DKK3: variants seen among roughly 807,000 people sequenced by gnomAD.
DKK3 encodes dickkopf Wnt signaling pathway inhibitor 3.
A neutral mutation model predicts 33.2 loss-of-function variants in DKK3; 22 were observed. The ratio of observed to expected loss-of-function variants is 0.66; its 90% confidence interval spans 0.47 to 0.95. The LOEUF is 0.95. Ranked by LOEUF, DKK3 falls within the 40% of genes least tolerant of loss-of-function variation. The probability of loss-of-function intolerance (pLI) is 0.00; values close to 1 mark genes in which losing one functional copy is unlikely to be tolerated. For missense variants in DKK3, 398 were observed against 458.4 expected (o/e 0.87, Z 1.20); for synonymous variants, 194 against 188.8 (o/e 1.03, Z -0.23).
intron 5 of DKK3, 99 bp from the exon 6 acceptor site, chr11:11,966,064 C>T (rs1847587150): frequency 7.9e-6 from 11 of 1,386,246 alleles, no homozygotes; most frequent in African/African-American, 1.4e-5. Flanking sequence ...CACCTCCCAC[C>T]CTCAACCCCA....
chr11:12,008,749 C>A, upstream of DKK3: 1 of 1,202,878 alleles, frequency 8.3e-7, no homozygotes, highest in Middle Eastern at 3.3e-4. The surrounding 1 kb of genome is among the most constrained non-coding windows in gnomAD (Gnocchi z 4.6). Flanking sequence ...AACCGAGGCC[C>A]CTGAAAACGC....
intron 6 of DKK3, among the ~76,000 whole-genome samples, chr11:11,964,891 G>C (rs974596141): frequency 1.3e-5 from 2 of 152,110 alleles, no homozygotes; most frequent in African/African-American, 2.4e-5. Flanking sequence ...ATGTGCTGGT[G>C]GGGGGCAGCT....
intron 3 of DKK3, among the ~76,000 whole-genome samples, chr11:11,978,438 CTCT>C (rs1451372989): frequency 6.6e-6 from 1 of 151,014 alleles, no homozygotes; most frequent in Non-Finnish European, 1.5e-5. Flanking sequence ...CTTCTTCTTC[CTCT>C]TCCTCTTCTT....
chr11:11,976,008 T>C (rs182101174), intron 3 of DKK3, among the ~76,000 whole-genome samples: 2 of 152,328 alleles, frequency 1.3e-5, no homozygotes, highest in South Asian at 2.1e-4. Flanking sequence ...AGATAACAGA[T>C]GCAACAGTGC....
chr11:11,985,842 A>C (rs1371773239), intron 3 of DKK3, among the ~76,000 whole-genome samples: 1 of 152,236 alleles, frequency 6.6e-6, no homozygotes, highest in East Asian at 1.9e-4. Flanking sequence ...ATCCCAGCAA[A>C]ACCATGGGGA....
chr11:11,998,650 A>G lies in DKK3; in HGVS notation c.435+46T>C, dbSNP rs367954610. 1.0e-5 allele frequency: 16 copies of G among 1,547,798 alleles called. No homozygotes were observed. The African/African-American group carries it at 2.0e-4, about 20-fold the overall frequency. ...ACCGTTGGCAAACTGAATGAAAATGAAAGTGAGTGTGTCGGGGTGCAAGTA... is the reference window on the plus strand; with the variant it reads ...ACCGTTGGCAAACTGAATGAAAATGGAAGTGAGTGTGTCGGGGTGCAAGTA... On this transcript the variant is annotated intron_variant, in intron 3 of 6. Transcript: ENST00000683431.
upstream of DKK3, chr11:12,009,372 C>T: frequency 1.0e-6 from 1 of 976,268 alleles, no homozygotes; most frequent in Non-Finnish European, 1.2e-6. Context: ...CTCTCCGCCC[C>T]CGCCCCGAGC....
chr11:11,985,178 C>T (rs1250091392), intron 3 of DKK3, among the ~76,000 whole-genome samples: 1 of 152,190 alleles, frequency 6.6e-6, no homozygotes, highest in Non-Finnish European at 1.5e-5. Context: ...AACCCTGGAG[C>T]CGCCCATCCT....
At chr11:11,999,008 T>C (rs913679877) in intron 2 of DKK3, among the ~76,000 whole-genome samples, 5 of 152,050 alleles carry the variant, frequency 3.3e-5, no homozygotes. Flanking sequence ...AGGGTTGCTA[T>C]GAGGAGGAAA....
At chr11:11,967,986 G>T (rs925227036) in intron 4 of DKK3, among the ~76,000 whole-genome samples, 1 of 152,136 alleles carries the variant, frequency 6.6e-6, no homozygotes, top group African/African-American at 2.4e-5. Context: ...GTCATCCCCA[G>T]GGGAAGCAAC....
At chr11:11,991,343 C>G (rs1848183072) in intron 3 of DKK3, among the ~76,000 whole-genome samples, 1 of 152,158 alleles carries the variant, frequency 6.6e-6, no homozygotes, top group Non-Finnish European at 1.5e-5. Context: ...TGGGACCTAG[C>G]AGAAGGTAGC....
intron 3 of DKK3, among the ~76,000 whole-genome samples, chr11:11,983,860 C>T (rs1307519324): frequency 6.6e-6 from 1 of 152,248 alleles, no homozygotes; most frequent in Non-Finnish European, 1.5e-5. Flanking sequence ...TAATCAGAAT[C>T]TTCTCAACCT....
chr11:11,972,399 A>G (rs894244231), intron 3 of DKK3, among the ~76,000 whole-genome samples: 1 of 152,224 alleles, frequency 6.6e-6, no homozygotes, highest in African/African-American at 2.4e-5. Flanking sequence ...TCGGGGATCA[A>G]ACATCTAGTC....
In DKK3 at chr11:11,965,955, G is replaced by A. The variant is rs574810472; in HGVS notation, c.684C>T (p.Phe228=). The A allele has an allele frequency of 2.5e-6, 4 of 1,612,476 alleles. No individual in the cohort carries two copies. The South Asian group carries it at 4.4e-5, about 18-fold the overall frequency. The part of the protein sequence containing the change: ...LCCAFQRGLL[F]PVCTPLPVEG... The stretch of plus-strand genomic sequence containing the variant: ...CCACGGGCAGGGGTGTGCACACAGG[G>A]AACAGCAGGCCTGGAACCAGCCCAG... Residue 228 remains phenylalanine (F), a synonymous_variant, in exon 6 of 7, where the codon TTC becomes TTT. Transcript: ENST00000683431.
intron 2 of DKK3, among the ~76,000 whole-genome samples, chr11:12,000,884 A>G (rs1162024259): frequency 6.6e-6 from 1 of 152,218 alleles, no homozygotes; most frequent in Non-Finnish European, 1.5e-5. Flanking sequence ...TAACTTTATT[A>G]TAATAACAGT....
chr11:11,988,833 T>C (rs949094805), intron 3 of DKK3, among the ~76,000 whole-genome samples: 1 of 152,212 alleles, frequency 6.6e-6, no homozygotes, highest in African/African-American at 2.4e-5. Flanking sequence ...TTCAGCATGT[T>C]GGCTACAGAC....
intron 4 of DKK3, 93 bp downstream of exon 4, chr11:11,968,302 G>A: frequency 8.3e-7 from 1 of 1,202,334 alleles, no homozygotes; most frequent in Non-Finnish European, 1.2e-6. Context: ...GGCTCTTCTG[G>A]GAAGCCCAGC....
At position 11,976,260 on chromosome 11, in the gene DKK3, A is replaced by C. The variant is rs144476046; in HGVS notation, c.436-7773T>G. Among the ~76,000 whole-genome samples, 490 of 152,330 alleles carry C rather than the reference A, an allele frequency of 3.2e-3. 3 individuals are homozygous for C. The highest frequency in any genetic ancestry group is 0.011 in the African/African-American group (453 of 41,574). The stretch of plus-strand genomic sequence containing the variant: ...GCCCTCTGCTCTGGAGGGGAAGACA[A>C]GAAGAAGGAGGACAGTTGCAATGGA... On this transcript the variant is annotated intron_variant, in intron 3 of 6. Coordinates refer to ENST00000683431, the MANE Select transcript of DKK3 (RefSeq NM_001018057.2).
intron 3 of DKK3, among the ~76,000 whole-genome samples, chr11:11,982,539 T>A (rs912442833): frequency 6.6e-6 from 1 of 152,162 alleles, no homozygotes; most frequent in Non-Finnish European, 1.5e-5. Context: ...TAGTCTCCAG[T>A]CTCAGCCACT....
Sources: gnomAD v4.1 joint callset for allele counts (sites outside exome capture counted in the v4.1 genomes callset) on GRCh38, gnomAD v4.1.1 for gene constraint, Gnocchi (gnomAD v3.1) non-coding constraint, MANE v1.5 for transcripts, NCBI Gene and HGNC (gene_info 2026-07-23, HGNC 2026-07-21) for gene names.